Variants in EXT2 observed in about 807,000 individuals in gnomAD.
EXT2 encodes the protein exostosin-2.
Under a neutral mutation model 81.6 loss-of-function variants are expected in EXT2, and 53 were observed. The ratio of observed to expected loss-of-function variants is 0.65; its 90% confidence interval spans 0.52 to 0.82. EXT2 has a LOEUF of 0.82. EXT2 is among the 40% of genes least tolerant of loss of function. The pLI is 0.00. For missense variants in EXT2, 774 were observed against 910.2 expected, an observed-to-expected ratio of 0.85 and a Z score of 1.93; for synonymous variants, 320 against 340.0, an observed-to-expected ratio of 0.94 and a Z score of 0.65.
At chr11:44,165,315 T>C (rs558780985) in intron 7 of EXT2, among the ~76,000 whole-genome samples, 11 of 152,338 alleles carry the variant, frequency 7.2e-5, no homozygotes, top group Middle Eastern at 6.8e-3. Context: ...GACTCCTTCC[T>C]CTCTGTGGAC....
intron 8 of EXT2, among the ~76,000 whole-genome samples, chr11:44,185,820 C>T (rs556958251): frequency 1.5e-4 from 23 of 152,300 alleles, no homozygotes; most frequent in African/African-American, 5.5e-4. Flanking sequence ...CCATAGATGA[C>T]CTCTCTAATA....
intron 4 of EXT2, among the ~76,000 whole-genome samples, chr11:44,114,983 T>G (rs1954200524): frequency 6.6e-6 from 1 of 152,196 alleles, no homozygotes; most frequent in Non-Finnish European, 1.5e-5. Flanking sequence ...TCTAACATCC[T>G]GCTTGTGCCT....
chr11:44,106,495 T>A (rs10838234), intron 1 of EXT2, among the ~76,000 whole-genome samples: 41,713 of 152,176 alleles, frequency 0.27, 6,512 homozygotes, highest in Admixed American at 0.44. Flanking sequence ...TTCCTAGTGG[T>A]GTTTTTACAT....
At chr11:44,148,907 A>G (rs1954756379) in intron 7 of EXT2, among the ~76,000 whole-genome samples, 2 of 152,160 alleles carry the variant, frequency 1.3e-5, no homozygotes, top group African/African-American at 4.8e-5. Context: ...CCCTTTCTCC[A>G]GGGGTATTTG....
At chr11:44,118,387 T>G (rs1360574582) in intron 4 of EXT2, among the ~76,000 whole-genome samples, 1 of 152,214 alleles carries the variant, frequency 6.6e-6, no homozygotes, top group Non-Finnish European at 1.5e-5. Context: ...ATGATTCATA[T>G]TTTTTCCAAT....
At chr11:44,113,870 G>C (rs1954180552) in intron 3 of EXT2, among the ~76,000 whole-genome samples, 1 of 152,108 alleles carries the variant, frequency 6.6e-6, no homozygotes, top group Admixed American at 6.5e-5. Flanking sequence ...GTATGACTAG[G>C]GAGAGGTGAA....
intron 7 of EXT2, among the ~76,000 whole-genome samples, chr11:44,151,179 C>G (rs2135082501): frequency 6.6e-6 from 1 of 152,292 alleles, no homozygotes; most frequent in Non-Finnish European, 1.5e-5. Context: ...ACATACCCCA[C>G]TATTTACTGA....
chr11:44,198,160 C>T, intron 9 of EXT2, 142 bp downstream of exon 9: 2 of 878,478 alleles, frequency 2.3e-6, no homozygotes, highest in East Asian at 5.3e-5. Flanking sequence ...TCTCAGTCAT[C>T]TCATTCTTGT....
At position 44,186,313 on chromosome 11, in the gene EXT2, C is replaced by T. The variant is rs78181837; in HGVS notation, c.1306-11516C>T. Among the ~76,000 whole-genome samples, 724 of 152,264 alleles carry T rather than the reference C, an allele frequency of 4.8e-3. 5 individuals are homozygous for T. Among genetic ancestry groups the T allele is most frequent in the East Asian group, 0.03 (156 of 5,186 alleles). On this transcript the variant is annotated intron_variant, in intron 8 of 13. Coordinates refer to ENST00000533608, the MANE Select transcript of EXT2 (RefSeq NM_207122.2). ...GTAACTCATGAATTATTAAAAGTAT[C>T]AGCATATGGAACCCTCTCTTCCCTC...
At chr11:44,208,142 A>G (rs979912009) in intron 10 of EXT2, among the ~76,000 whole-genome samples, 8 of 151,860 alleles carry the variant, frequency 5.3e-5, no homozygotes, top group African/African-American at 1.7e-4. Flanking sequence ...TATTATTCCT[A>G]TTTTTAAAAC....
chr11:44,123,570 G>A (rs1954350329), intron 4 of EXT2, among the ~76,000 whole-genome samples: 1 of 152,158 alleles, frequency 6.6e-6, no homozygotes, highest in African/African-American at 2.4e-5. Context: ...AAGTGTTTTG[G>A]ACTCCTGATT....
chr11:44,218,248 C>T (rs1027040009), intron 10 of EXT2, among the ~76,000 whole-genome samples: 8 of 152,182 alleles, frequency 5.3e-5, no homozygotes, highest in Non-Finnish European at 1.2e-4. Flanking sequence ...AACATAAAAC[C>T]ATCTTTGAGT....
At chr11:44,171,013 T>C (rs879538730) in intron 7 of EXT2, among the ~76,000 whole-genome samples, 1 of 152,226 alleles carries the variant, frequency 6.6e-6, no homozygotes, top group Non-Finnish European at 1.5e-5. Flanking sequence ...CAGCATAACC[T>C]TGATACCATA....
In EXT2 at chr11:44,244,331, G is replaced by A; in HGVS notation, c.*44G>A. 1 of 1,611,168 alleles carries A rather than the reference G, an allele frequency of 6.2e-7. No individual in the cohort carries two copies. On this transcript the variant is annotated 3_prime_UTR_variant, in exon 14 of 14. Coordinates refer to ENST00000533608, the MANE Select transcript of EXT2 (RefSeq NM_207122.2). ...GTCTGAATGTGAGGCTGGGACAGAG[G>A]GAGAGAACAAGGCCTCCCAGCACTC...
intron 13 of EXT2, among the ~76,000 whole-genome samples, chr11:44,237,806 G>A (rs926586361): frequency 6.8e-6 from 1 of 147,048 alleles, no homozygotes; most frequent in Non-Finnish European, 1.5e-5. Context: ...GCTCACTCCT[G>A]TAATCCCAGC....
At chr11:44,170,593 A>G (rs150884242) in intron 7 of EXT2, among the ~76,000 whole-genome samples, 2 of 152,318 alleles carry the variant, frequency 1.3e-5, no homozygotes, top group Non-Finnish European at 2.9e-5. Flanking sequence ...AAGAGAAAAC[A>G]CAACAGTATC....
rs567847006 is a variant in EXT2, at chr11:44,250,131, G to A, written c.*5844G>A. ...AGGCCCAAGAGATATAGCAATTAGA[G>A]TTGACTAAGACAGTGTCCCTATCCT... On this transcript the variant is annotated 3_prime_UTR_variant, in exon 14 of 14. Transcript: ENST00000533608. Among the ~76,000 whole-genome samples, 10 of 152,336 alleles carry A rather than the reference G, an allele frequency of 6.6e-5. No homozygotes were observed. The highest frequency in any genetic ancestry group is 1.0e-4 in the Non-Finnish European group (7 of 68,034).
chr11:44,162,362 G>T (rs1410016309), intron 7 of EXT2, among the ~76,000 whole-genome samples: 1 of 152,124 alleles, frequency 6.6e-6, no homozygotes, highest in Non-Finnish European at 1.5e-5. Flanking sequence ...GGTCACCTGA[G>T]GTCAGGTGTT....
chr11:44,173,593 G>C lies in EXT2; in HGVS notation c.1305+1851G>C, dbSNP rs1482426149. Reference sequence around the variant, plus strand: ...TTTTTTTTTTTTTTTTTTTGAGATGGAGTCTCGCTCTGTCGCCCAGGCTGG... The same window carrying C: ...TTTTTTTTTTTTTTTTTTTGAGATGCAGTCTCGCTCTGTCGCCCAGGCTGG... On this transcript the variant is annotated intron_variant, in intron 8 of 13. Coordinates refer to ENST00000533608, the MANE Select transcript of EXT2 (RefSeq NM_207122.2). Among the ~76,000 whole-genome samples, 3 of 127,646 alleles carry C rather than the reference G, an allele frequency of 2.4e-5. No homozygotes were observed. The South Asian group carries it at 7.9e-4, about 33-fold the overall frequency. 83.7% of individuals were successfully genotyped at this position (127,646 alleles called of 152,430 possible).
Sources: allele counts gnomAD v4.1 joint callset (sites outside exome capture counted in the v4.1 genomes callset), GRCh38; gene constraint gnomAD v4.1.1; transcripts MANE v1.5; gene names NCBI Gene and HGNC (gene_info 2026-07-23, HGNC 2026-07-21).